FANCA: variants seen among roughly 807,000 people sequenced by gnomAD.
FANCA encodes the protein Fanconi anemia group A protein.
In FANCA, 236 loss-of-function variants were observed where a neutral mutation model predicts 194.3. The observed-to-expected ratio is 1.21, with a 90% CI of 1.09 to 1.35. The LOEUF (loss-of-function observed/expected upper bound fraction) is 1.35, where lower values mean the gene tolerates loss of function less well. FANCA is among the 40% of genes most tolerant of loss of function. FANCA has a pLI of 0.00. For missense variants in FANCA, 2,628 were observed against 1,813.9 expected, an observed-to-expected ratio of 1.45 and a Z score of -8.15; for synonymous variants, 1,014 against 715.8, an observed-to-expected ratio of 1.42 and a Z score of -6.65.
Position 89,765,030 on chromosome 16 carries a change from G to T in FANCA, c.2638C>A (p.Arg880=). Reference sequence around the variant, plus strand: ...ACGTCCTCCTCAGAAAGAGGCTGTCGGGCCTCTGAGAACAATCTGAACATG... The same window carrying T: ...ACGTCCTCCTCAGAAAGAGGCTGTCTGGCCTCTGAGAACAATCTGAACATG... ...FLMFRLFSEA[R]QPLSEEDVAS... Residue 880 remains arginine, a synonymous_variant, in exon 28 of 43, where the codon CGA becomes AGA. Transcript: ENST00000389301. The T allele has an allele frequency of 6.2e-7, 1 of 1,614,226 alleles. No homozygotes were observed. Among genetic ancestry groups the T allele is most frequent in the Non-Finnish European group, 8.5e-7 (1 of 1,180,034 alleles).
At chr16:89,769,352 T>C (rs1040648861) in intron 26 of FANCA, among the ~76,000 whole-genome samples, 3 of 152,152 alleles carry the variant, frequency 2.0e-5, no homozygotes, top group African/African-American at 4.8e-5. Flanking sequence ...CAGGGAGCCC[T>C]TGAGGCACTG....
At chr16:89,811,349 A>G (rs2040871776) in intron 3 of FANCA, among the ~76,000 whole-genome samples, 1 of 152,352 alleles carries the variant, frequency 6.6e-6, no homozygotes, top group South Asian at 2.1e-4. Flanking sequence ...ATAAAGAAAT[A>G]TATTCTGACC....
At chr16:89,789,433 A>G (rs2039998038) in intron 14 of FANCA, among the ~76,000 whole-genome samples, 1 of 138,934 alleles carries the variant, frequency 7.2e-6, no homozygotes, top group South Asian at 2.3e-4. Flanking sequence ...GGAAAACTCA[A>G]TACTTTTTTT....
Position 89,773,299 on chromosome 16 carries a change from G to T in FANCA, c.1986C>A (p.Ala662=), listed in dbSNP as rs568935135. 2 of 1,551,340 alleles carry T rather than the reference G, an allele frequency of 1.3e-6. No homozygotes were observed. Among genetic ancestry groups the T allele is most frequent in the African/African-American group, 2.7e-5 (2 of 73,150 alleles). The part of the protein sequence containing the change: ...QLTAALGELR[A]SMTDPSQRDV... ...CACGCTGGCTGGGGTCTGTCATGGA[G>T]GCTCTCAGCTCTCCCAGTGCAGCTG... Residue 662 remains alanine (A), a synonymous_variant, in exon 22 of 43, where the codon GCC becomes GCA. Coordinates refer to ENST00000389301, the MANE Select transcript of FANCA (RefSeq NM_000135.4).
Position 89,810,808 on chromosome 16 carries a change from A to G in FANCA, c.427-6T>C, listed in dbSNP as rs1295402252. On this transcript the variant is annotated splice_region_variant and splice_polypyrimidine_tract_variant and intron_variant, in intron 4 of 42. Transcript: ENST00000389301. ...AACAGGGAAGACAGCTTCTTCTGAA[A>G]AGAGAGATTACATTTTTTAAAAAAC... 2.5e-6 allele frequency: 4 copies of G among 1,612,720 alleles called. No individual in the cohort carries two copies. In the Admixed American group the frequency reaches 5.0e-5, roughly 20 times the overall value.
At chr16:89,755,377 C>T (rs1415574509) in intron 30 of FANCA, among the ~76,000 whole-genome samples, 1 of 152,124 alleles carries the variant, frequency 6.6e-6, no homozygotes, top group Non-Finnish European at 1.5e-5. Context: ...CCATGCCTGG[C>T]TAGTTTTTGT....
chr16:89,795,376 C>T (rs2040209070), intron 11 of FANCA, among the ~76,000 whole-genome samples: 1 of 151,874 alleles, frequency 6.6e-6, no homozygotes, highest in South Asian at 2.1e-4. Context: ...CACCTGTAAT[C>T]CCAACACTTC....
At position 89,737,983 on chromosome 16, in the gene FANCA, G is replaced by A; in HGVS notation, c.*618C>T. 1.2e-6 allele frequency: 2 copies of A among 1,614,152 alleles called. No homozygotes were observed. The highest frequency in any genetic ancestry group is 1.7e-6 in the Non-Finnish European group (2 of 1,180,036). On this transcript the variant is annotated 3_prime_UTR_variant, in exon 43 of 43. Coordinates refer to ENST00000389301, the MANE Select transcript of FANCA (RefSeq NM_000135.4). ...TCTGCCTCTGTCCCCCAGGTGTGAG[G>A]TCTGTGGGTTCCAGTGCAGGCAGCG...
Position 89,758,652 on chromosome 16 carries a change from G to T in FANCA, c.2906C>A (p.Ala969Asp). The change falls in exon 30 of 43, where the codon GCT becomes GAT. Residue 969 changes from alanine to aspartate, a missense_variant. By Grantham distance (126) the Ala-to-Asp change is moderately radical. Coordinates refer to ENST00000389301, the MANE Select transcript of FANCA (RefSeq NM_000135.4). ...IHEHFLPESS[A>D]SGGCDGDLQA... ...CAGGTCTCCGTCACAGCCCCCTGAA[G>T]CCGAGGACTCAGGGAGAAAGTGCTC... is the stretch of plus-strand genomic sequence containing the variant. The T allele has an allele frequency of 6.2e-7, 1 of 1,614,010 alleles. No individual in the cohort carries two copies. Among genetic ancestry groups the T allele is most frequent in the Non-Finnish European group, 8.5e-7 (1 of 1,179,882 alleles).
chr16:89,749,028 G>T (rs1329015128), intron 32 of FANCA, among the ~76,000 whole-genome samples: 1 of 152,168 alleles, frequency 6.6e-6, no homozygotes, highest in East Asian at 1.9e-4. Flanking sequence ...AACAACTTCT[G>T]ACAGTTACAC....
In FANCA at chr16:89,744,480, A is replaced by G. The variant is rs999652623; in HGVS notation, c.3626+479T>C. Among the ~76,000 whole-genome samples the G allele has an allele frequency of 3.9e-5, 6 of 152,192 alleles. No homozygotes were observed. The East Asian group carries it at 1.2e-3, about 29-fold the overall frequency. The stretch of plus-strand genomic sequence containing the variant: ...CTGACTGGGGTCGACAGGTCAGGGT[A>G]GGCTGAGAATCTGCATCCCTGAGGT... On this transcript the variant is annotated intron_variant, in intron 36 of 42. Coordinates refer to ENST00000389301, the MANE Select transcript of FANCA (RefSeq NM_000135.4).
intron 14 of FANCA, among the ~76,000 whole-genome samples, chr16:89,789,313 G>C (rs1353140330): frequency 6.6e-6 from 1 of 151,690 alleles, no homozygotes; most frequent in East Asian, 1.9e-4. Context: ...GCCTGGGGGG[G>C]GAGCAGGCAC....
intron 33 of FANCA, 37 bp downstream of exon 33, chr16:89,748,622 G>A: frequency 6.7e-7 from 1 of 1,495,542 alleles, no homozygotes; most frequent in Non-Finnish European, 9.3e-7. Flanking sequence ...CACAGGCACT[G>A]ACAGATCGGA....
intron 10 of FANCA, among the ~76,000 whole-genome samples, chr16:89,796,698 C>T (rs1211334659): frequency 2.0e-5 from 3 of 152,160 alleles, no homozygotes; most frequent in African/African-American, 2.4e-5. Flanking sequence ...AACCAGCAAG[C>T]GGCACTTTAT....
chr16:89,786,015 ATTT>A (rs67279101), intron 14 of FANCA, among the ~76,000 whole-genome samples: 2 of 104,112 alleles, frequency 1.9e-5, no homozygotes, highest in African/African-American at 3.9e-5. Flanking sequence ...ACTCCCAGCT[ATTT>A]TTTTTTTTTT....
Position 89,774,366 on chromosome 16 carries a change from C to T in FANCA, c.1901-982G>A, listed in dbSNP as rs74033867. ...GAGGACACCTCTCAAGAGAAGCAAA[C>T]GCCTCACACCGCAGGGTACACAGCC... On this transcript the variant is annotated intron_variant, in intron 21 of 42. Transcript: ENST00000389301. Among the ~76,000 whole-genome samples, 1,224 of 152,196 alleles carry T rather than the reference C, an allele frequency of 8.0e-3. 15 individuals carry two copies. The highest frequency in any genetic ancestry group is 0.028 in the African/African-American group (1,158 of 41,524).
intron 14 of FANCA, among the ~76,000 whole-genome samples, chr16:89,790,850 G>C (rs80231668): frequency 2.1e-3 from 321 of 151,720 alleles, no homozygotes; most frequent in African/African-American, 7.4e-3. Context: ...TTCTTTTTGG[G>C]ATGGAGTCTC....
At chr16:89,783,150 G>A (rs774374383) in intron 15 of FANCA, 48 bp from the exon 16 acceptor site, 4 of 1,399,556 alleles carry the variant, frequency 2.9e-6, no homozygotes, top group Non-Finnish European at 4.0e-6. Context: ...GGAACTGCCT[G>A]GGACTCCAGG....
intron 30 of FANCA, among the ~76,000 whole-genome samples, chr16:89,752,958 A>G (rs1369929427): frequency 3.3e-5 from 5 of 152,092 alleles, no homozygotes; most frequent in African/African-American, 7.2e-5. Flanking sequence ...CATCAGTCAG[A>G]CTCGCCCGCA....
Sources: gnomAD v4.1 joint callset for allele counts (sites outside exome capture counted in the v4.1 genomes callset) on GRCh38, gnomAD v4.1.1 for gene constraint, MANE v1.5 for transcripts, NCBI Gene and HGNC (gene_info 2026-07-23, HGNC 2026-07-21) for gene names.